Variants in COP1 observed in about 807,000 individuals in gnomAD.
COP1 encodes the protein COP1 E3 ubiquitin ligase, also known as E3 ubiquitin-protein ligase COP1.
COP1 carries 24 observed loss-of-function variants against 101.3 expected under a neutral mutation model. That is an observed-to-expected ratio of 0.24 (90% CI 0.17 to 0.33). The LOEUF is 0.33. Among genes scored for constraint, COP1 ranks in the 10% least tolerant of loss-of-function variants. The pLI is 1.00. For missense variants in COP1, 663 were observed against 906.2 expected (o/e 0.73, Z 3.45); for synonymous variants, 347 against 341.9 (o/e 1.01, Z -0.17).
chr1:176,152,045 C>T (rs970291410), intron 5 of COP1, among the ~76,000 whole-genome samples: 2 of 151,534 alleles, frequency 1.3e-5, no homozygotes, highest in African/African-American at 4.9e-5. Context: ...AATCCTAGCA[C>T]TGCGGGAAGC....
At chr1:176,141,664 A>G (rs1245388946) in intron 6 of COP1, among the ~76,000 whole-genome samples, 2 of 151,918 alleles carry the variant, frequency 1.3e-5, no homozygotes, top group Non-Finnish European at 2.9e-5. Flanking sequence ...CACATACTTC[A>G]TATCTAGTTC....
chr1:176,036,511 A>C (rs1287352537), intron 14 of COP1, among the ~76,000 whole-genome samples: 26 of 149,502 alleles, frequency 1.7e-4, no homozygotes, highest in African/African-American at 5.6e-4. Flanking sequence ...AAAAAACAAA[A>C]AAAAAAAAAA....
At chr1:176,135,198 T>C (rs1689604642) in intron 7 of COP1, 112 bp from the exon 8 acceptor site, 3 of 617,618 alleles carry the variant, frequency 4.9e-6, no homozygotes, top group Non-Finnish European at 8.2e-6. Context: ...AGTCCCTGTT[T>C]GTCTCAATAT....
chr1:176,163,269 T>G (rs2149950660), intron 4 of COP1, among the ~76,000 whole-genome samples: 1 of 152,342 alleles, frequency 6.6e-6, no homozygotes, highest in South Asian at 2.1e-4. Flanking sequence ...TGACTGAATT[T>G]AATTATTTGT....
intron 18 of COP1, among the ~76,000 whole-genome samples, chr1:175,982,700 T>TA (rs1656161622): frequency 6.6e-6 from 1 of 152,202 alleles, no homozygotes; most frequent in Non-Finnish European, 1.5e-5. Context: ...TTGTCAAGGT[T>TA]AAACTGTATA....
At chr1:176,179,357 T>C (rs988051568) in intron 2 of COP1, among the ~76,000 whole-genome samples, 17 of 152,138 alleles carry the variant, frequency 1.1e-4, no homozygotes, top group African/African-American at 3.9e-4. Flanking sequence ...GAGAACATTA[T>C]GGGTTTTAGC....
chr1:176,160,364 AGACTTCAT>A (rs762214251), intron 5 of COP1: 31 of 271,672 alleles, frequency 1.1e-4, no homozygotes, highest in Non-Finnish European at 2.2e-4. Context: ...GAATGGGCAA[AGACTTCAT>A]GACTAAAACA....
Position 175,945,011 on chromosome 1 carries a change from A to G in COP1, c.*142T>C. The G allele has an allele frequency of 1.4e-6, 1 of 711,564 alleles. No individual in the cohort carries two copies. The highest frequency in any genetic ancestry group is 2.4e-6 in the Non-Finnish European group (1 of 420,848). The allele number at this position is 711,564 out of a possible 1,614,324, so 44.1% of individuals were successfully genotyped here. A position where few individuals can be genotyped will look rare whatever the true frequency, so the allele number is the denominator to read the frequency against. On this transcript the variant is annotated 3_prime_UTR_variant, in exon 20 of 20. Transcript: ENST00000367669. The stretch of plus-strand genomic sequence containing the variant: ...GGTCATAAAGGAGGGAAAAGAAAAA[A>G]AGAAAAAAATATTCAAAACAAATCC...
At chr1:176,026,715 T>C (rs1667729584) in intron 15 of COP1, among the ~76,000 whole-genome samples, 2 of 152,134 alleles carry the variant, frequency 1.3e-5, no homozygotes, top group South Asian at 4.1e-4. Context: ...AATTATGCAT[T>C]TCCTTTTTTT....
At chr1:175,985,928 A>T (rs1657005038) in intron 18 of COP1, among the ~76,000 whole-genome samples, 1 of 151,958 alleles carries the variant, frequency 6.6e-6, no homozygotes, top group Non-Finnish European at 1.5e-5. Context: ...TCAAGTCAGA[A>T]TTTTTTTTGT....
intron 18 of COP1, among the ~76,000 whole-genome samples, chr1:175,980,313 A>G (rs1021799052): frequency 1.5e-4 from 23 of 151,136 alleles, no homozygotes; most frequent in African/African-American, 5.3e-4. Flanking sequence ...TCATTCAGCA[A>G]GTATTTTTAA....
intron 11 of COP1, among the ~76,000 whole-genome samples, chr1:176,061,157 T>TA (rs1164939160): frequency 6.6e-6 from 1 of 152,036 alleles, no homozygotes; most frequent in African/African-American, 2.4e-5. Context: ...GACTCACATA[T>TA]ATACAGTCAA....
At chr1:176,099,511 CTCT>C (rs1558106896) in intron 9 of COP1, among the ~76,000 whole-genome samples, 13 of 109,920 alleles carry the variant, frequency 1.2e-4, no homozygotes, top group Admixed American at 9.7e-5. Context: ...ATTTGTCTCT[CTCT>C]CTCTCTCTCT....
chr1:176,124,840 C>T (rs1321943419), intron 8 of COP1, among the ~76,000 whole-genome samples: 2 of 152,182 alleles, frequency 1.3e-5, no homozygotes, highest in South Asian at 2.1e-4. Flanking sequence ...GAGGAACCTC[C>T]AAACCATTCT....
At chr1:176,045,968 GAA>G (rs1006990112) in intron 12 of COP1, among the ~76,000 whole-genome samples, 1 of 118,976 alleles carries the variant, frequency 8.4e-6, no homozygotes, top group Admixed American at 8.6e-5. Flanking sequence ...TTGGCAACCA[GAA>G]AAAAAAAAAA....
intron 5 of COP1, among the ~76,000 whole-genome samples, chr1:176,162,328 T>A (rs1003284486): frequency 6.6e-6 from 1 of 152,206 alleles, no homozygotes; most frequent in African/African-American, 2.4e-5. Context: ...CAATTCCCAA[T>A]ACTTGCAATT....
intron 18 of COP1, among the ~76,000 whole-genome samples, chr1:175,986,459 T>C (rs1295545026): frequency 6.6e-6 from 1 of 152,238 alleles, no homozygotes; most frequent in Admixed American, 6.5e-5. Context: ...TATTCATATA[T>C]AAATGTATTT....
intron 11 of COP1, among the ~76,000 whole-genome samples, chr1:176,052,574 C>T (rs1672754995): frequency 6.6e-6 from 1 of 152,058 alleles, no homozygotes; most frequent in Admixed American, 6.5e-5. Context: ...TACTGAAGAT[C>T]CTTCAAAATG....
chr1:176,146,275 A>T (rs1171964032), intron 6 of COP1, among the ~76,000 whole-genome samples: 2 of 152,182 alleles, frequency 1.3e-5, no homozygotes, highest in Admixed American at 1.3e-4. Flanking sequence ...GAAGACTAAC[A>T]TGTTCATTTA....
Sources: allele counts gnomAD v4.1 joint callset (sites outside exome capture counted in the v4.1 genomes callset), GRCh38; gene constraint gnomAD v4.1.1; transcripts MANE v1.5; gene names NCBI Gene and HGNC (gene_info 2026-07-23, HGNC 2026-07-21).